Variants in NRXN3 observed in about 807,000 individuals in gnomAD.
The protein encoded by NRXN3 is neurexin 3, also known as neurexin III.
NRXN3 carries 32 observed loss-of-function variants against 137.6 expected under a neutral mutation model. That is an observed-to-expected ratio of 0.23 (90% CI 0.18 to 0.31). The LOEUF (loss-of-function observed/expected upper bound fraction) is 0.31, where lower values mean the gene tolerates loss of function less well. Among genes scored for constraint, NRXN3 ranks in the 10% least tolerant of loss-of-function variants. NRXN3 has a pLI of 1.00. For missense variants in NRXN3, 1,574 were observed against 2,062.5 expected (o/e 0.76, Z 4.59); for synonymous variants, 798 against 784.5 (o/e 1.02, Z -0.29).
chr14:78,818,550 A>G (rs922884979), intron 10 of NRXN3, among the ~76,000 whole-genome samples: 4 of 152,178 alleles, frequency 2.6e-5, no homozygotes, highest in Admixed American at 6.6e-5. Flanking sequence ...TCTGTAAAAT[A>G]AGAGATTTCT....
Position 79,020,865 on chromosome 14 carries a change from A to ACACACG in NRXN3, c.3262+32729_3262+32730insGCACAC, listed in dbSNP as rs2099588453. On this transcript the variant is annotated intron_variant, in intron 15 of 20. Transcript: ENST00000335750. ...CGCTCTGCCTGTGCTTGCATTTTAC[A>ACACACG]CACACACACACACACACACACACAC... Among the ~76,000 whole-genome samples, 3 of 140,736 alleles carry ACACACG rather than the reference A, an allele frequency of 2.1e-5. 1 individual carries two copies. In the South Asian group the frequency reaches 6.9e-4, roughly 32 times the overall value. The allele number at this position is 140,736 out of a possible 152,430, so 92.3% of individuals were successfully genotyped here.
intron 1 of NRXN3, among the ~76,000 whole-genome samples, chr14:78,208,333 C>G (rs577091572): frequency 6.6e-6 from 1 of 152,176 alleles, no homozygotes; most frequent in African/African-American, 2.4e-5. Context: ...TCTCTATCCT[C>G]CTGCCCTTGA....
chr14:79,094,704 T>G (rs1359258293), intron 15 of NRXN3, among the ~76,000 whole-genome samples: 1 of 152,132 alleles, frequency 6.6e-6, no homozygotes, highest in Admixed American at 6.5e-5. Context: ...TGTTTGTTTG[T>G]TTTGTTTTGA....
At chr14:79,448,689 A>G (rs1312772638) in intron 15 of NRXN3, among the ~76,000 whole-genome samples, 1 of 152,220 alleles carries the variant, frequency 6.6e-6, no homozygotes, top group South Asian at 2.1e-4. Context: ...TTTAGATACT[A>G]TAGAGCAACC....
chr14:79,835,880 C>T lies in NRXN3; in HGVS notation c.4094-25462C>T, dbSNP rs2099340704. ...ATAATCATGATAGTCGCACAGGAAA[C>T]TTGACAGTGACAGCAGGGGAACAGC... On this transcript the variant is annotated intron_variant, in intron 20 of 20. Transcript: ENST00000335750. Among the ~76,000 whole-genome samples the T allele has an allele frequency of 2.0e-5, 3 of 152,146 alleles. No individual in the cohort carries two copies. In the South Asian group the frequency reaches 6.2e-4, roughly 31 times the overall value.
chr14:79,076,430 C>T (rs1309486035), intron 15 of NRXN3, among the ~76,000 whole-genome samples: 3 of 152,168 alleles, frequency 2.0e-5, no homozygotes, highest in Non-Finnish European at 4.4e-5. Flanking sequence ...CTTCAGTCAC[C>T]TCAACTTGGG....
At chr14:78,542,707 C>T (rs1428846229) in intron 4 of NRXN3, among the ~76,000 whole-genome samples, 1 of 152,182 alleles carries the variant, frequency 6.6e-6, no homozygotes, top group Non-Finnish European at 1.5e-5. Flanking sequence ...ACTGTCTAAC[C>T]AGTCCCAGTA....
At chr14:78,806,844 A>C (rs2098873992) in intron 9 of NRXN3, among the ~76,000 whole-genome samples, 1 of 152,206 alleles carries the variant, frequency 6.6e-6, no homozygotes, top group South Asian at 2.1e-4. Context: ...TCTTATTTTA[A>C]TCTCATGATC....
intron 10 of NRXN3, among the ~76,000 whole-genome samples, chr14:78,917,285 CA>C (rs963327225): frequency 1.4e-4 from 21 of 151,920 alleles, no homozygotes; most frequent in African/African-American, 5.1e-4. Context: ...TAGAAGGGAA[CA>C]AAAAACACTG....
At chr14:78,930,836 A>G (rs1301012869) in intron 10 of NRXN3, among the ~76,000 whole-genome samples, 1 of 152,166 alleles carries the variant, frequency 6.6e-6, no homozygotes, top group Non-Finnish European at 1.5e-5. Context: ...TCTATCCCTG[A>G]GAGCAACAAA....
At chr14:78,398,100 G>A (rs1287615325) in intron 4 of NRXN3, among the ~76,000 whole-genome samples, 4 of 151,046 alleles carry the variant, frequency 2.6e-5, no homozygotes, top group East Asian at 4.0e-4. Context: ...TGTAATCCTA[G>A]CTACTCGGGA....
At chr14:78,785,678 A>G (rs2098787090) in intron 8 of NRXN3, among the ~76,000 whole-genome samples, 1 of 152,178 alleles carries the variant, frequency 6.6e-6, no homozygotes, top group Admixed American at 6.5e-5. Flanking sequence ...CCTGCGTATG[A>G]TGCATCCTAG....
intron 10 of NRXN3, among the ~76,000 whole-genome samples, chr14:78,825,066 A>G (rs1348442113): frequency 2.0e-5 from 3 of 152,080 alleles, no homozygotes; most frequent in Non-Finnish European, 4.4e-5. Flanking sequence ...TTTTGCACAT[A>G]TCAAATTCTA....
intron 6 of NRXN3, among the ~76,000 whole-genome samples, chr14:78,673,630 G>A (rs1326895415): frequency 2.0e-5 from 3 of 152,182 alleles, no homozygotes; most frequent in East Asian, 1.9e-4. Flanking sequence ...CTGGAAAGCC[G>A]AAGATCAAGG....
At position 78,656,442 on chromosome 14, in the gene NRXN3, G is replaced by A. The variant is rs140686048; in HGVS notation, c.1221+5116G>A. Among the ~76,000 whole-genome samples, 255 of 152,210 alleles carry A rather than the reference G, an allele frequency of 1.7e-3. 1 individual carries two copies. Among genetic ancestry groups the A allele is most frequent in the African/African-American group, 5.9e-3 (244 of 41,522 alleles). On this transcript the variant is annotated intron_variant, in intron 6 of 20. Transcript: ENST00000335750. ...AAGGCATGGAGGTAGAGCATGTTCT[G>A]GTGTCTGGGTGAAGAACTTACAAAC... is the stretch of plus-strand genomic sequence containing the variant.
intron 15 of NRXN3, among the ~76,000 whole-genome samples, chr14:79,238,912 T>C (rs924372988): frequency 1.3e-5 from 2 of 152,136 alleles, no homozygotes; most frequent in Admixed American, 6.6e-5. Context: ...TACTGCAAGA[T>C]GTTTGCTTTG....
chr14:78,244,443 A>G (rs1480950815), intron 2 of NRXN3, among the ~76,000 whole-genome samples: 3 of 152,016 alleles, frequency 2.0e-5, no homozygotes, highest in Admixed American at 2.0e-4. Flanking sequence ...AGAAAAAAAA[A>G]AAAAAGAAAA....
At chr14:79,546,132 G>A (rs542817292) in intron 16 of NRXN3, among the ~76,000 whole-genome samples, 35 of 152,136 alleles carry the variant, frequency 2.3e-4, no homozygotes, top group Non-Finnish European at 3.4e-4. Flanking sequence ...ACATGGAACT[G>A]TAAGTCCAAT....
chr14:78,613,581 T>G (rs2097318995), intron 4 of NRXN3, among the ~76,000 whole-genome samples: 1 of 88,148 alleles, frequency 1.1e-5, no homozygotes, highest in Non-Finnish European at 2.6e-5. Flanking sequence ...AACCATAGTT[T>G]TTTTTTTTTT....
Sources: allele counts gnomAD v4.1 joint callset (sites outside exome capture counted in the v4.1 genomes callset), GRCh38; gene constraint gnomAD v4.1.1; transcripts MANE v1.5; gene names NCBI Gene and HGNC (gene_info 2026-07-23, HGNC 2026-07-21).